Variants in THRB observed in about 807,000 individuals in gnomAD.
The protein encoded by THRB is thyroid hormone receptor beta, also known as nuclear receptor subfamily 1 group A member 2.
THRB carries 12 observed loss-of-function variants against 47.8 expected under a neutral mutation model. The observed-to-expected ratio is 0.25, with a 90% CI of 0.16 to 0.41. The LOEUF is 0.41. Ranked by LOEUF, THRB falls within the 10% of genes least tolerant of loss-of-function variation. The pLI is 1.00. For synonymous variants in THRB, 218 were observed against 212.2 expected (o/e 1.03, Z -0.24); for missense variants, 348 against 589.2 (o/e 0.59, Z 4.24).
chr3:24,469,242 C>T (rs1017512494), intron 1 of THRB, among the ~76,000 whole-genome samples: 8 of 152,208 alleles, frequency 5.3e-5, no homozygotes, highest in Non-Finnish European at 1.0e-4. Flanking sequence ...CACTCCAGAA[C>T]CAGCTGGATC....
intron 1 of THRB, among the ~76,000 whole-genome samples, chr3:24,343,323 C>T (rs1290966841): frequency 6.6e-6 from 1 of 152,090 alleles, no homozygotes; most frequent in Admixed American, 6.6e-5. Flanking sequence ...GCAAGGAAGT[C>T]ATCTAGAAAG....
At chr3:24,237,851 A>G (rs1559697295) in intron 3 of THRB, 1 of 152,214 alleles carries the variant, frequency 6.6e-6, no homozygotes, top group Non-Finnish European at 1.5e-5. Flanking sequence ...AAACAAACAA[A>G]GCCCCCTGCA....
intron 1 of THRB, among the ~76,000 whole-genome samples, chr3:24,433,989 A>C (rs542122649): frequency 2.0e-5 from 3 of 149,970 alleles, no homozygotes; most frequent in African/African-American, 7.3e-5. Context: ...TTATGTGCTT[A>C]CTTAGGTAGT....
At chr3:24,390,777 T>C (rs910295416) in intron 1 of THRB, among the ~76,000 whole-genome samples, 1 of 80,692 alleles carries the variant, frequency 1.2e-5, no homozygotes, top group African/African-American at 4.3e-5. Flanking sequence ...TCCCAATCTT[T>C]ACTTTGTAAA....
chr3:24,165,067 A>G (rs774459339), intron 5 of THRB: 8 of 763,124 alleles, frequency 1.0e-5, no homozygotes, highest in Non-Finnish European at 1.9e-5. Flanking sequence ...CTTGAGAAAA[A>G]GTAGGCTTTT....
At chr3:24,274,897 G>A (rs1047838069) in intron 3 of THRB, among the ~76,000 whole-genome samples, 7 of 151,956 alleles carry the variant, frequency 4.6e-5, no homozygotes, top group African/African-American at 1.7e-4. Context: ...TTTTTATGTT[G>A]TGTTTTATGA....
chr3:24,170,248 T>C (rs2683530), intron 5 of THRB, among the ~76,000 whole-genome samples: 82,258 of 152,030 alleles, frequency 0.54, 23,140 homozygotes, highest in African/African-American at 0.69. Flanking sequence ...TAAATCCAAT[T>C]CATTAGCAAG....
intron 3 of THRB, among the ~76,000 whole-genome samples, chr3:24,242,233 T>C (rs927461166): frequency 6.6e-5 from 10 of 152,194 alleles, no homozygotes; most frequent in African/African-American, 2.2e-4. Context: ...AAAAACAAGA[T>C]GGCATGTTTT....
At position 24,228,892 on chromosome 3, in the gene THRB, A is replaced by G. The variant is rs767292945; in HGVS notation, c.22+46T>C. On this transcript the variant is annotated intron_variant, in intron 4 of 10. Coordinates refer to ENST00000646209, the MANE Select transcript of THRB (RefSeq NM_001354712.2). ...GAATCTATAATTTCACTCTAGGTGG[A>G]ACAAAAATGGAGGCACACAAAGAAA... 3 of 1,571,612 alleles carry G rather than the reference A, an allele frequency of 1.9e-6. No homozygotes were observed. In the East Asian group the frequency reaches 6.7e-5, roughly 35 times the overall value.
Position 24,190,212 on chromosome 3 carries a change from A to T in THRB, c.145T>A (p.Leu49Met), listed in dbSNP as rs764343535. 6.2e-7 allele frequency: 1 copy of T among 1,614,090 alleles called. No homozygotes were observed. Among genetic ancestry groups the T allele is most frequent in the Non-Finnish European group, 8.5e-7 (1 of 1,179,982 alleles). Residue 49 changes from leucine to methionine, a missense_variant, in exon 5 of 11, where the codon TTG (leucine) becomes ATG (methionine). By Grantham distance (15) the Leu-to-Met change is conservative. This residue lies in a region of THRB where 148 missense variants were observed against 122.3 expected (regional missense o/e 1.21). Transcript: ENST00000646209. ...TGTGGCGACGACTGTTCATTTTTCAACGTGCTGCGCCTCTCTGAATGGCTC... is the reference window on the plus strand; with the variant it reads ...TGTGGCGACGACTGTTCATTTTTCATCGTGCTGCGCCTCTCTGAATGGCTC... ...RKSHSERRST[L>M]KNEQSSPHLI...
intron 1 of THRB, among the ~76,000 whole-genome samples, chr3:24,402,753 C>G (rs1247168973): frequency 6.6e-6 from 1 of 151,814 alleles, no homozygotes; most frequent in Non-Finnish European, 1.5e-5. Context: ...TAATGATGGC[C>G]AAATGACCAT....
intron 1 of THRB, among the ~76,000 whole-genome samples, chr3:24,475,296 C>A (rs995825860): frequency 3.0e-4 from 45 of 151,678 alleles, no homozygotes; most frequent in African/African-American, 1.0e-3. Context: ...ATGAAAATTG[C>A]AATGATCAAA....
chr3:24,280,198 T>C (rs1025365004), intron 3 of THRB, among the ~76,000 whole-genome samples: 1 of 152,112 alleles, frequency 6.6e-6, no homozygotes, highest in East Asian at 1.9e-4. Context: ...CATCTGAAAT[T>C]TGAAGAGAGC....
At chr3:24,179,053 C>T (rs532158657) in intron 5 of THRB, among the ~76,000 whole-genome samples, 1 of 152,224 alleles carries the variant, frequency 6.6e-6, no homozygotes, top group East Asian at 1.9e-4. Flanking sequence ...AATGAATGAT[C>T]CTGGCCTGGA....
intron 3 of THRB, among the ~76,000 whole-genome samples, chr3:24,267,425 A>G (rs561981372): frequency 9.2e-5 from 14 of 152,246 alleles, no homozygotes; most frequent in Non-Finnish European, 8.8e-5. Flanking sequence ...GTTCCAGGAT[A>G]AAGAGTGATA....
In THRB at chr3:24,340,832, T is replaced by G. The variant is rs372669939; in HGVS notation, c.-260-3461A>C. The stretch of plus-strand genomic sequence containing the variant: ...GTTATTAAACATTATATTTATCTAT[T>G]TGATAGCAGATAAATGGAATCCTAG... On this transcript the variant is annotated intron_variant, in intron 1 of 10. Transcript: ENST00000646209. 2.2e-4 allele frequency among the ~76,000 whole-genome samples: 34 copies of G among 152,338 alleles called. 4 individuals are homozygous for G. The highest frequency in any genetic ancestry group is 1.9e-3 in the East Asian group (10 of 5,190).
In THRB at chr3:24,263,499, G is replaced by A. The variant is rs558383510; in HGVS notation, c.-43+33727C>T. Among the ~76,000 whole-genome samples, 5 of 151,840 alleles carry A rather than the reference G, an allele frequency of 3.3e-5. No homozygotes were observed. In the East Asian group the frequency reaches 5.8e-4, roughly 18 times the overall value. ...CCAATATGCATAATATATCTTATAT[G>A]TCCAGTTTCCTAGTATTTAAATTTT... On this transcript the variant is annotated intron_variant, in intron 3 of 10. Coordinates refer to ENST00000646209, the MANE Select transcript of THRB (RefSeq NM_001354712.2).
intron 1 of THRB, among the ~76,000 whole-genome samples, chr3:24,398,636 T>G (rs1188886234): frequency 5.3e-5 from 8 of 152,180 alleles, no homozygotes; most frequent in Non-Finnish European, 7.4e-5. Context: ...GGTGGGACTG[T>G]AAACTAGTTC....
chr3:24,132,176 G>T (rs1332584728), intron 9 of THRB, among the ~76,000 whole-genome samples: 1 of 152,114 alleles, frequency 6.6e-6, no homozygotes, highest in Non-Finnish European at 1.5e-5. Context: ...CTTCTTTTTA[G>T]GTGAGACCAG....
Sources: allele counts gnomAD v4.1 joint callset (sites outside exome capture counted in the v4.1 genomes callset), GRCh38; gene constraint gnomAD v4.1.1; regional missense constraint gnomAD v4.1.1; transcripts MANE v1.5; gene names NCBI Gene and HGNC (gene_info 2026-07-23, HGNC 2026-07-21).